Variants in SUGCT observed in about 807,000 individuals in gnomAD.
SUGCT encodes succinyl-CoA:glutarate-CoA transferase, also known as succinyl-CoA:glutarate CoA-transferase.
A neutral mutation model predicts 55.0 loss-of-function variants in SUGCT; 41 were observed. The ratio of observed to expected loss-of-function variants is 0.74; its 90% CI spans 0.58 to 0.97. SUGCT has a LOEUF of 0.97. Ranked by LOEUF, SUGCT falls within the 50% of genes least tolerant of loss-of-function variation. The pLI is 0.00. For missense variants in SUGCT, 568 were observed against 547.8 expected, an observed-to-expected ratio of 1.04 and a Z score of -0.37; for synonymous variants, 187 against 200.4, an observed-to-expected ratio of 0.93 and a Z score of 0.56.
chr7:40,811,206 C>T (rs1202906581), intron 13 of SUGCT, among the ~76,000 whole-genome samples: 2 of 152,164 alleles, frequency 1.3e-5, no homozygotes, highest in African/African-American at 4.8e-5. Context: ...TGTGATGCCT[C>T]CAGCTTTGTT....
chr7:40,893,564 T>C, the SUGCT span, among the ~76,000 whole-genome samples: 1 of 152,154 alleles, frequency 6.6e-6, no homozygotes, highest in South Asian at 2.1e-4. Context: ...TTAACCAATA[T>C]ATGGATATTA....
At chr7:40,780,813 T>C (rs573474017) in intron 13 of SUGCT, among the ~76,000 whole-genome samples, 103 of 151,670 alleles carry the variant, frequency 6.8e-4, no homozygotes, top group African/African-American at 2.4e-3. Flanking sequence ...TTTAACAAAT[T>C]TAAAAACACC....
At chr7:40,735,375 A>T (rs73125720) in intron 12 of SUGCT, among the ~76,000 whole-genome samples, 51 of 152,264 alleles carry the variant, frequency 3.3e-4, no homozygotes, top group Non-Finnish European at 6.0e-4. Flanking sequence ...AAAGGTTGGA[A>T]CACCAAATTA....
chr7:40,917,780 C>G, the SUGCT span, among the ~76,000 whole-genome samples: 1 of 152,170 alleles, frequency 6.6e-6, no homozygotes, highest in Admixed American at 6.5e-5. Flanking sequence ...GCTGGGTCCT[C>G]AGATGGTAGA....
intron 9 of SUGCT, among the ~76,000 whole-genome samples, chr7:40,331,326 T>C (rs189057382): frequency 6.6e-6 from 1 of 152,350 alleles, no homozygotes; most frequent in East Asian, 1.9e-4. Flanking sequence ...TTTCACTTGT[T>C]GCTGCTGAGA....
chr7:40,218,971 C>G (rs926461885), intron 6 of SUGCT, among the ~76,000 whole-genome samples: 2 of 152,196 alleles, frequency 1.3e-5, no homozygotes, highest in African/African-American at 4.8e-5. Flanking sequence ...CAGCTACATT[C>G]TTTCGCTCCT....
the SUGCT span, among the ~76,000 whole-genome samples, chr7:40,910,661 G>T: frequency 6.6e-6 from 1 of 152,124 alleles, no homozygotes; most frequent in Non-Finnish European, 1.5e-5. Context: ...GTCAGCCTTT[G>T]CTCTATTTGG....
At chr7:40,832,188 A>G (rs1792707732) in intron 13 of SUGCT, among the ~76,000 whole-genome samples, 1 of 152,148 alleles carries the variant, frequency 6.6e-6, no homozygotes, top group East Asian at 1.9e-4. Flanking sequence ...AGTCCTGAAA[A>G]GTAACCCAGA....
intron 6 of SUGCT, among the ~76,000 whole-genome samples, chr7:40,220,335 A>T (rs546277480): frequency 3.3e-5 from 5 of 152,214 alleles, no homozygotes; most frequent in Admixed American, 3.3e-4. Flanking sequence ...AGTGTTCCAG[A>T]TATTTATATG....
At chr7:41,022,383 A>G in the SUGCT span, among the ~76,000 whole-genome samples, 3 of 152,224 alleles carry the variant, frequency 2.0e-5, no homozygotes, top group Non-Finnish European at 4.4e-5. Context: ...AAAGCAAAAG[A>G]AAAACATTTT....
chr7:40,837,295 C>T (rs776500054), intron 13 of SUGCT, among the ~76,000 whole-genome samples: 6 of 152,066 alleles, frequency 3.9e-5, no homozygotes, highest in East Asian at 1.9e-4. Flanking sequence ...AATTTTTACT[C>T]GAGTTTTGAG....
the SUGCT span, among the ~76,000 whole-genome samples, chr7:41,031,604 C>T: frequency 4.5e-3 from 691 of 152,260 alleles, 4 homozygotes; most frequent in African/African-American, 0.016. Context: ...CCGTTGCCTA[C>T]CTCCTGTTGG....
Position 40,189,607 on chromosome 7 carries a change from G to T in SUGCT, c.363+13G>T. On this transcript the variant is annotated intron_variant, in intron 5 of 13. Transcript: ENST00000335693. ...AATCATCAAAGAGGTACAGTATGAT[G>T]TATAGAAAGCATCCTACCACCTAGG... 1 of 1,392,974 alleles carries T rather than the reference G, an allele frequency of 7.2e-7. No individual in the cohort carries two copies. The highest frequency in any genetic ancestry group is 1.7e-5 in the South Asian group (1 of 59,850). The allele number at this position is 1,392,974 out of a possible 1,614,324, so 86.3% of individuals were successfully genotyped here. A position where few individuals can be genotyped will look rare whatever the true frequency, so the allele number is the denominator to read the frequency against.
intron 12 of SUGCT, among the ~76,000 whole-genome samples, chr7:40,579,043 A>C (rs979246804): frequency 2.0e-5 from 3 of 152,196 alleles, no homozygotes; most frequent in African/African-American, 7.2e-5. Context: ...CAGTACAATA[A>C]TGAACAACAA....
chr7:40,375,575 C>G (rs1784500543), intron 9 of SUGCT, among the ~76,000 whole-genome samples: 1 of 152,088 alleles, frequency 6.6e-6, no homozygotes, highest in African/African-American at 2.4e-5. Context: ...CTTTCTTATC[C>G]TTTAGACTCT....
At chr7:40,195,500 C>T (rs556599712) in intron 6 of SUGCT, among the ~76,000 whole-genome samples, 2 of 151,988 alleles carry the variant, frequency 1.3e-5, no homozygotes, top group African/African-American at 2.4e-5. Context: ...GGATTACAGG[C>T]GTGAGCCACC....
At chr7:40,373,791 A>C (rs1225987169) in intron 9 of SUGCT, among the ~76,000 whole-genome samples, 1 of 152,142 alleles carries the variant, frequency 6.6e-6, no homozygotes, top group African/African-American at 2.4e-5. Flanking sequence ...TAACTGTTTT[A>C]ATAAAAATGA....
chr7:40,294,308 G>A (rs1289007595), intron 8 of SUGCT, among the ~76,000 whole-genome samples: 1 of 152,096 alleles, frequency 6.6e-6, no homozygotes, highest in Non-Finnish European at 1.5e-5. Flanking sequence ...CTGAGGCAAC[G>A]AAGATATGGA....
At chr7:40,882,513 C>T in the SUGCT span, among the ~76,000 whole-genome samples, 1 of 152,146 alleles carries the variant, frequency 6.6e-6, no homozygotes, top group Non-Finnish European at 1.5e-5. Flanking sequence ...TGTGTGTTCT[C>T]AAGATCCCCA....
Sources: gnomAD v4.1 joint callset for allele counts (sites outside exome capture counted in the v4.1 genomes callset) on GRCh38, gnomAD v4.1.1 for gene constraint, MANE v1.5 for transcripts, NCBI Gene and HGNC (gene_info 2026-07-23, HGNC 2026-07-21) for gene names.